Variants in ZNF430 observed in about 807,000 individuals in gnomAD.
ZNF430 encodes zinc finger protein 430.
In ZNF430, 35 loss-of-function variants were observed where a neutral mutation model predicts 56.7. The ratio of observed to expected loss-of-function variants is 0.62; its 90% confidence interval spans 0.47 to 0.82. The LOEUF is 0.82. ZNF430 is among the 40% of genes least tolerant of loss of function. The pLI, the probability that ZNF430 is intolerant of heterozygous loss-of-function variation, is 0.00. For synonymous variants in ZNF430, 212 were observed against 224.3 expected, an observed-to-expected ratio of 0.94 and a Z score of 0.49; for missense variants, 574 against 661.0, an observed-to-expected ratio of 0.87 and a Z score of 1.44.
At chr19:21,040,358 G>A (rs74761135) in intron 4 of ZNF430, among the ~76,000 whole-genome samples, 2,151 of 152,154 alleles carry the variant, frequency 0.014, 45 homozygotes, top group African/African-American at 0.048. Flanking sequence ...TGGGTCATGG[G>A]GACTAATTCT....
At chr19:21,047,387 C>G (rs529522170) in intron 4 of ZNF430, among the ~76,000 whole-genome samples, 1 of 152,262 alleles carries the variant, frequency 6.6e-6, no homozygotes, top group African/African-American at 2.4e-5. Flanking sequence ...TGGAGATATG[C>G]TGGGATCATT....
At chr19:21,054,872 C>T (rs987413942) in intron 4 of ZNF430, among the ~76,000 whole-genome samples, 2 of 151,724 alleles carry the variant, frequency 1.3e-5, no homozygotes, top group Non-Finnish European at 1.5e-5. Flanking sequence ...GACAAGGTTT[C>T]GCCGTATTAG....
intron 4 of ZNF430, among the ~76,000 whole-genome samples, chr19:21,053,000 C>T (rs1968309162): frequency 6.6e-6 from 1 of 152,152 alleles, no homozygotes; most frequent in Non-Finnish European, 1.5e-5. Flanking sequence ...TCCCAGATGT[C>T]ACCTATTGGC....
chr19:21,027,737 TGG>T (rs1383834590), intron 2 of ZNF430, among the ~76,000 whole-genome samples: 1 of 152,182 alleles, frequency 6.6e-6, no homozygotes, highest in Admixed American at 6.6e-5. Context: ...TTTGTACATC[TGG>T]TAGAGTTCAG....
chr19:21,043,779 G>A (rs749264971), intron 4 of ZNF430, among the ~76,000 whole-genome samples: 1 of 151,752 alleles, frequency 6.6e-6, no homozygotes, highest in Non-Finnish European at 1.5e-5. Flanking sequence ...TTGAGCAGTG[G>A]TTTGTGTTTT....
chr19:21,021,496 C>T (rs890134349), intron 1 of ZNF430, among the ~76,000 whole-genome samples: 1 of 150,780 alleles, frequency 6.6e-6, no homozygotes, highest in African/African-American at 2.4e-5. Flanking sequence ...AAGACTCCGT[C>T]TCGGAAAAAA....
At chr19:21,054,962 C>T (rs1329039511) in intron 4 of ZNF430, among the ~76,000 whole-genome samples, 2 of 152,002 alleles carry the variant, frequency 1.3e-5, no homozygotes, top group African/African-American at 2.4e-5. Flanking sequence ...GCGTGAGCCA[C>T]CGCGCCCGGC....
chr19:21,055,434 G>GT lies in ZNF430; in HGVS notation c.323-1186dup, dbSNP rs1046406965. 5.5e-3 allele frequency among the ~76,000 whole-genome samples: 779 copies of GT among 142,810 alleles called. 8 individuals carry two copies. The highest frequency in any genetic ancestry group is 0.012 in the African/African-American group (480 of 39,092). The allele number at this position is 142,810 out of a possible 152,430, so 93.7% of individuals were successfully genotyped here. A position where few individuals can be genotyped will look rare whatever the true frequency, so the allele number is the denominator to read the frequency against. On this transcript the variant is annotated intron_variant, in intron 4 of 4. Coordinates refer to ENST00000261560, the MANE Select transcript of ZNF430 (RefSeq NM_025189.4). ...AGAGTTTGTGTTTCTTCTTTTTTTA[G>GT]TTTTTTTTTTTGTTTGTTTTTTGTT...
In ZNF430 at chr19:21,056,727, A is replaced by G. The variant is rs751035178; in HGVS notation, c.419A>G (p.His140Arg). 3.3e-5 allele frequency: 53 copies of G among 1,610,928 alleles called. No individual in the cohort carries two copies. In the South Asian group the frequency reaches 4.2e-4, roughly 13 times the overall value. Residue 140 changes from histidine to arginine, a missense_variant, in exon 5 of 5, where the codon CAT becomes CGT. His to Arg is a conservative substitution (Grantham distance 29). Around this residue, in one of 3 missense-constraint regions of ZNF430, gnomAD observed 346 missense variants for 399.1 expected, o/e 0.87. Transcript: ENST00000261560. ...VILRRYGKCG[H>R]EDLQLRTGCK... is the part of the protein sequence containing the mutation. The stretch of plus-strand genomic sequence containing the variant: ...TTGAGAAGATATGGAAAATGTGGAC[A>G]TGAAGATTTACAGTTAAGAACAGGC...
At chr19:21,038,808 A>T (rs571195467) in intron 4 of ZNF430, among the ~76,000 whole-genome samples, 168 of 152,338 alleles carry the variant, frequency 1.1e-3, no homozygotes, top group African/African-American at 4.0e-3. Context: ...AATGAAATTT[A>T]AAAATTTTAA....
At position 21,022,891 on chromosome 19, in the gene ZNF430, T is replaced by G. The variant is rs1329538930; in HGVS notation, c.96+10T>G. ...CTCTTTTTATGAAAAGGTAACCCCTTGAGATGTTAAAATTGTCTTCACCCA... is the reference window on the plus strand; with the variant it reads ...CTCTTTTTATGAAAAGGTAACCCCTGGAGATGTTAAAATTGTCTTCACCCA... On this transcript the variant is annotated intron_variant, in intron 2 of 4. Coordinates refer to ENST00000261560, the MANE Select transcript of ZNF430 (RefSeq NM_025189.4). The G allele has an allele frequency of 1.1e-5, 17 of 1,599,642 alleles. No individual in the cohort carries two copies. Among genetic ancestry groups the G allele is most frequent in the South Asian group, 1.1e-5 (1 of 90,788 alleles).
chr19:21,042,229 A>G (rs1016654683), intron 4 of ZNF430, among the ~76,000 whole-genome samples: 2 of 152,076 alleles, frequency 1.3e-5, no homozygotes, highest in Admixed American at 6.6e-5. Context: ...ATGTGGGTTG[A>G]TTCCATGTCT....
In ZNF430 at chr19:21,057,440, T is replaced by C. The variant is rs1968399629; in HGVS notation, c.1132T>C (p.Cys378Arg). Residue 378 changes from cysteine to arginine, a missense_variant, in exon 5 of 5, where the codon TGT becomes CGT. Physicochemically the swap from Cys to Arg is radical, Grantham distance 180 (BLOSUM62 -3). Transcript: ENST00000261560. ...AGEKPYKCEECGKAFYRFSYL... is the reference protein window; with the variant it reads ...AGEKPYKCEERGKAFYRFSYL... ...AGAGAAACCTTACAAATGTGAAGAA[T>C]GTGGCAAAGCTTTTTACCGATTCTC... 1 of 1,613,560 alleles carries C rather than the reference T, an allele frequency of 6.2e-7. No individual in the cohort carries two copies. Among genetic ancestry groups the C allele is most frequent in the African/African-American group, 1.3e-5 (1 of 74,888 alleles).
chr19:21,043,601 G>C (rs1158263527), intron 4 of ZNF430, among the ~76,000 whole-genome samples: 1 of 152,052 alleles, frequency 6.6e-6, no homozygotes, highest in Non-Finnish European at 1.5e-5. Flanking sequence ...TGGCTATATG[G>C]GGTCTTTTGG....
At chr19:21,056,310 G>A (rs1157204235) in intron 4 of ZNF430, among the ~76,000 whole-genome samples, 4 of 152,032 alleles carry the variant, frequency 2.6e-5, no homozygotes, top group Non-Finnish European at 4.4e-5. Context: ...CCAACATGGC[G>A]AAACCCCATC....
chr19:21,034,071 T>G lies in ZNF430; in HGVS notation c.224-15T>G. 1 of 1,598,818 alleles carries G rather than the reference T, an allele frequency of 6.3e-7. No individual in the cohort carries two copies. The highest frequency in any genetic ancestry group is 8.6e-7 in the Non-Finnish European group (1 of 1,166,242). On this transcript the variant is annotated splice_polypyrimidine_tract_variant and intron_variant, in intron 3 of 4. Transcript: ENST00000261560. Reference sequence around the variant, plus strand: ...AGAATATGAGAAAGATTCATGTTATTTATTTTCAATAAAGCAGGTATTGCT... The same window carrying G: ...AGAATATGAGAAAGATTCATGTTATGTATTTTCAATAAAGCAGGTATTGCT...
chr19:21,033,159 A>G (rs780617051), intron 2 of ZNF430, among the ~76,000 whole-genome samples: 4 of 152,132 alleles, frequency 2.6e-5, no homozygotes, highest in Non-Finnish European at 4.4e-5. Context: ...GTTCGTGACC[A>G]GCCTGACCAA....
chr19:21,053,277 A>C (rs1290461530), intron 4 of ZNF430, among the ~76,000 whole-genome samples: 1 of 152,154 alleles, frequency 6.6e-6, no homozygotes, highest in Non-Finnish European at 1.5e-5. Context: ...GTGATGACTC[A>C]GTACACTCTG....
At chr19:21,046,273 T>G (rs192473426) in intron 4 of ZNF430, among the ~76,000 whole-genome samples, 6 of 150,596 alleles carry the variant, frequency 4.0e-5, no homozygotes, top group Admixed American at 1.3e-4. Context: ...TAGTCAAGAT[T>G]GTGCACTGCA....
Sources: gnomAD v4.1 joint callset for allele counts (sites outside exome capture counted in the v4.1 genomes callset) on GRCh38, gnomAD v4.1.1 for gene constraint, gnomAD v4.1.1 regional missense constraint, MANE v1.5 for transcripts, NCBI Gene and HGNC (gene_info 2026-07-23, HGNC 2026-07-21) for gene names.